The following GHR variants were observed in gnomAD, a reference collection of about 807,000 sequenced individuals.
The protein encoded by GHR is GH receptor.
Under a neutral mutation model 67.1 loss-of-function variants are expected in GHR, and 35 were observed. That is an observed-to-expected ratio of 0.52 (90% CI 0.40 to 0.69). The LOEUF (loss-of-function observed/expected upper bound fraction) is 0.69. Among genes scored for constraint, GHR ranks in the 30% least tolerant of loss-of-function variants. GHR has a pLI of 0.00. For missense variants in GHR, 792 were observed against 764.6 expected, an observed-to-expected ratio of 1.04 and a Z score of -0.42; for synonymous variants, 272 against 269.1, an observed-to-expected ratio of 1.01 and a Z score of -0.10.
rs952689179 is a variant in GHR, at chr5:42,518,974, G to A, written c.-11-46890G>A. Among the ~76,000 whole-genome samples, 5 of 152,290 alleles carry A rather than the reference G, an allele frequency of 3.3e-5. No homozygotes were observed. The South Asian group carries it at 6.2e-4, about 19-fold the overall frequency. On this transcript the variant is annotated intron_variant, in intron 1 of 9. Transcript: ENST00000230882. ...CTTGTGGTCTAATCTGGAAAGAGTCGCTAATCGCTGTGTCACCTTGGCAAA... is the reference window on the plus strand; with the variant it reads ...CTTGTGGTCTAATCTGGAAAGAGTCACTAATCGCTGTGTCACCTTGGCAAA...
chr5:42,560,462 G>A (rs1243264350), intron 1 of GHR, among the ~76,000 whole-genome samples: 1 of 152,160 alleles, frequency 6.6e-6, no homozygotes, highest in African/African-American at 2.4e-5. Context: ...AAAATGCTGG[G>A]ATTACAGGTG....
At chr5:42,479,470 C>T (rs1745507669) in intron 1 of GHR, among the ~76,000 whole-genome samples, 1 of 152,180 alleles carries the variant, frequency 6.6e-6, no homozygotes, top group South Asian at 2.1e-4. Context: ...GTACCAGCTT[C>T]TCCTTGTACC....
At chr5:42,656,880 T>C (rs1755282867) in intron 3 of GHR, among the ~76,000 whole-genome samples, 1 of 152,178 alleles carries the variant, frequency 6.6e-6, no homozygotes, top group South Asian at 2.1e-4. Context: ...TAATAAAGTA[T>C]GTTGATTATA....
Position 42,566,011 on chromosome 5 carries a change from C to A in GHR, c.70+67C>A. ...CAACACTGAACTGTATTCGCTACAT[C>A]CAAGTTTTTTGGATGATTTTATTAA... On this transcript the variant is annotated intron_variant, in intron 2 of 9. Transcript: ENST00000230882. The A allele has an allele frequency of 1.9e-6, 3 of 1,569,342 alleles. No homozygotes were observed. In the Admixed American group the frequency reaches 5.0e-5, roughly 26 times the overall value.
intron 1 of GHR, among the ~76,000 whole-genome samples, chr5:42,534,701 G>A (rs56196642): frequency 0.23 from 34,873 of 151,832 alleles, 4,675 homozygotes; most frequent in African/African-American, 0.36. Flanking sequence ...GAATCAAATC[G>A]TAGTTCTACT....
At position 42,630,341 on chromosome 5, in the gene GHR, A is replaced by G. The variant is rs557714012; in HGVS notation, c.136+1238A>G. On this transcript the variant is annotated intron_variant, in intron 3 of 9. Coordinates refer to ENST00000230882, the MANE Select transcript of GHR (RefSeq NM_000163.5). Reference sequence around the variant, plus strand: ...TTTTTCATCAGTGGAAGTATATGCTAGAGTCCATATTATGCAATAAGGGAA... The same window carrying G: ...TTTTTCATCAGTGGAAGTATATGCTGGAGTCCATATTATGCAATAAGGGAA... 6.8e-5 allele frequency among the ~76,000 whole-genome samples: 9 copies of G among 132,450 alleles called. 1 individual carries two copies. In the South Asian group the frequency reaches 1.9e-3, roughly 28 times the overall value. The allele number at this position is 132,450 out of a possible 152,430, so 86.9% of individuals were successfully genotyped here. A position where few individuals can be genotyped will look rare whatever the true frequency, so the allele number is the denominator to read the frequency against.
Position 42,660,391 on chromosome 5 carries a change from C to T in GHR, c.137-28499C>T, listed in dbSNP as rs555476546. Among the ~76,000 whole-genome samples, 38 of 152,226 alleles carry T rather than the reference C, an allele frequency of 2.5e-4. 1 individual carries two copies. The highest frequency in any genetic ancestry group is 8.9e-4 in the African/African-American group (37 of 41,542). On this transcript the variant is annotated intron_variant, in intron 3 of 9. Transcript: ENST00000230882. ...GGGGCAGACTGACACCTCACACGGC[C>T]AGGTACTCCTCTGAGACAAAACTTC... is the stretch of plus-strand genomic sequence containing the variant.
At chr5:42,612,014 C>T (rs1752915026) in intron 2 of GHR, among the ~76,000 whole-genome samples, 2 of 152,110 alleles carry the variant, frequency 1.3e-5, no homozygotes, top group South Asian at 4.1e-4. Context: ...CCTTTGTATC[C>T]TATCAGATTA....
intron 1 of GHR, among the ~76,000 whole-genome samples, chr5:42,517,291 G>C (rs1747280216): frequency 6.6e-6 from 1 of 152,166 alleles, no homozygotes. Context: ...AACCTGAACT[G>C]AGCTTTATCA....
intron 2 of GHR, among the ~76,000 whole-genome samples, chr5:42,590,577 T>C (rs1335788295): frequency 6.6e-6 from 1 of 152,232 alleles, no homozygotes; most frequent in African/African-American, 2.4e-5. Flanking sequence ...CATTCAGTTT[T>C]GCCACATACT....
chr5:42,441,533 G>A (rs1307476403), intron 1 of GHR, among the ~76,000 whole-genome samples: 6 of 151,316 alleles, frequency 4.0e-5, no homozygotes, highest in Admixed American at 6.6e-5. Flanking sequence ...TTTTTGAGAC[G>A]GAGTCTCGCC....
chr5:42,531,169 A>C (rs371562384), intron 1 of GHR, among the ~76,000 whole-genome samples: 2 of 152,050 alleles, frequency 1.3e-5, no homozygotes, highest in African/African-American at 2.4e-5. Context: ...TCAGAGGATG[A>C]GGCAGGAGAA....
chr5:42,475,566 C>T (rs1331617918), intron 1 of GHR, among the ~76,000 whole-genome samples: 16 of 151,600 alleles, frequency 1.1e-4, no homozygotes, highest in Admixed American at 1.1e-3. Context: ...TGGTCATGCG[C>T]ATTTTGTATT....
intron 3 of GHR, among the ~76,000 whole-genome samples, chr5:42,638,046 T>C (rs1200816366): frequency 6.6e-6 from 1 of 152,148 alleles, no homozygotes; most frequent in Non-Finnish European, 1.5e-5. Flanking sequence ...TTCAAGCAAT[T>C]TGCCTGCCTC....
intron 1 of GHR, among the ~76,000 whole-genome samples, chr5:42,482,537 G>T (rs184415234): frequency 6.6e-6 from 1 of 152,196 alleles, no homozygotes; most frequent in African/African-American, 2.4e-5. Flanking sequence ...CACCCAGTTC[G>T]AGCTTCCTGG....
rs180717117 is a variant in GHR at position 42,475,820 on chromosome 5, T to C, written c.-12+51865T>C. ...TTGACAGTGGGAAAATGGAGCTTTT[T>C]CCCCCCTCTTTAGGGTTCATTTTAA... On this transcript the variant is annotated intron_variant, in intron 1 of 9. Coordinates refer to ENST00000230882, the MANE Select transcript of GHR (RefSeq NM_000163.5). 4.9e-3 allele frequency among the ~76,000 whole-genome samples: 753 copies of C among 152,190 alleles called. 7 individuals are homozygous for C. Among genetic ancestry groups the C allele is most frequent in the African/African-American group, 0.014 (562 of 41,502 alleles).
chr5:42,576,099 T>TAAATAAATA (rs1750688349), intron 2 of GHR, among the ~76,000 whole-genome samples: 1 of 69,236 alleles, frequency 1.4e-5, no homozygotes, highest in East Asian at 4.9e-4. Flanking sequence ...TAAAATAAAA[T>TAAATAAATA]AAATAAAATA....
rs140150097 is a variant in GHR, at chr5:42,672,601, T to C, written c.137-16289T>C. ...GTCAGTAAGTGATACTGACTAGCTA[T>C]ATGTAGAAGAATGAAACTGGACCCC... On this transcript the variant is annotated intron_variant, in intron 3 of 9. Coordinates refer to ENST00000230882, the MANE Select transcript of GHR (RefSeq NM_000163.5). Among the ~76,000 whole-genome samples, 1,396 of 152,258 alleles carry C rather than the reference T, an allele frequency of 9.2e-3. 20 individuals carry two copies. The highest frequency in any genetic ancestry group is 0.014 in the Admixed American group (214 of 15,296).
chr5:42,497,522 G>A (rs1307221621), intron 1 of GHR, among the ~76,000 whole-genome samples: 1 of 152,158 alleles, frequency 6.6e-6, no homozygotes, highest in East Asian at 1.9e-4. Flanking sequence ...CCAAACTACA[G>A]GCCACCTGTT....
Sources: allele counts gnomAD v4.1 joint callset (sites outside exome capture counted in the v4.1 genomes callset), GRCh38; gene constraint gnomAD v4.1.1; transcripts MANE v1.5; gene names NCBI Gene and HGNC (gene_info 2026-07-23, HGNC 2026-07-21).